CPLANE1: variants seen among roughly 807,000 people sequenced by gnomAD.
CPLANE1 encodes the protein ciliogenesis and planar polarity effector 1.
Under a neutral mutation model 362.5 loss-of-function variants are expected in CPLANE1, and 263 were observed. The ratio of observed to expected loss-of-function variants is 0.73; its 90% CI spans 0.66 to 0.80. The LOEUF (loss-of-function observed/expected upper bound fraction) is 0.80, where lower values mean the gene tolerates loss of function less well. CPLANE1 is among the 30% of genes least tolerant of loss of function. CPLANE1 has a pLI of 0.00. For synonymous variants in CPLANE1, 1,212 were observed against 1,302.6 expected (o/e 0.93, Z 1.50); for missense variants, 3,461 against 3,793.4 (o/e 0.91, Z 2.30).
the CPLANE1 span, among the ~76,000 whole-genome samples, chr5:37,092,187 A>G: frequency 6.6e-6 from 1 of 152,184 alleles, no homozygotes; most frequent in Non-Finnish European, 1.5e-5. Flanking sequence ...GTGCTTGGCT[A>G]GGAGGGATAG....
At chr5:37,185,149 C>T in intron 24 of CPLANE1, 70 bp from the exon 25 acceptor site, 1 of 1,412,652 alleles carries the variant, frequency 7.1e-7, no homozygotes, top group African/African-American at 1.4e-5. Flanking sequence ...GGAGACCCAA[C>T]TCTGGTCCCT....
chr5:37,108,842 AGCAATGTTTTGG>A (rs1758312694), intron 51 of CPLANE1, among the ~76,000 whole-genome samples: 1 of 152,238 alleles, frequency 6.6e-6, no homozygotes, highest in Non-Finnish European at 1.5e-5. Flanking sequence ...ACTTCTTAGA[AGCAATGTTTTGG>A]GCATCTTCAC....
intron 42 of CPLANE1, among the ~76,000 whole-genome samples, chr5:37,149,348 C>T (rs752133053): frequency 1.3e-5 from 2 of 152,156 alleles, no homozygotes; most frequent in Non-Finnish European, 2.9e-5. Context: ...TTCCCATATA[C>T]TTTAATCTCT....
chr5:37,228,468 A>G (rs1796946297), intron 9 of CPLANE1, among the ~76,000 whole-genome samples: 1 of 152,180 alleles, frequency 6.6e-6, no homozygotes, highest in Non-Finnish European at 1.5e-5. Flanking sequence ...AAATGGCAAC[A>G]ATAGAAAGTT....
At chr5:37,211,623 G>A (rs1792622307) in intron 16 of CPLANE1, 3 of 841,912 alleles carry the variant, frequency 3.6e-6, no homozygotes, top group Non-Finnish European at 6.3e-6. Context: ...AATATATCTG[G>A]AAGGTCTGGG....
intron 52 of CPLANE1, 128 bp from the exon 53 acceptor site, chr5:37,107,906 A>G: frequency 7.1e-7 from 1 of 1,403,312 alleles, no homozygotes; most frequent in Non-Finnish European, 9.4e-7. Flanking sequence ...CAAAAGGCTG[A>G]AGGAAATGTG....
intron 10 of CPLANE1, 51 bp from the exon 11 acceptor site, chr5:37,227,443 T>G: frequency 6.7e-7 from 1 of 1,499,478 alleles, no homozygotes; most frequent in South Asian, 1.3e-5. Flanking sequence ...TATCTGTAAT[T>G]CTATTATAAG....
At chr5:37,190,209 C>G (rs192342536) in intron 21 of CPLANE1, among the ~76,000 whole-genome samples, 94 of 151,968 alleles carry the variant, frequency 6.2e-4, no homozygotes, top group Non-Finnish European at 1.9e-4. Flanking sequence ...ACTAGACAAA[C>G]GATCGAGTTT....
Position 37,224,529 on chromosome 5 carries a change from G to T in CPLANE1, c.2500+3C>A. 1.3e-6 allele frequency: 2 copies of T among 1,533,962 alleles called. No individual in the cohort carries two copies. Among genetic ancestry groups the T allele is most frequent in the South Asian group, 2.4e-5 (2 of 83,476 alleles). ...AGTTAGAAAATATTCATAAGATACTGACCATTGATAGATTTAAGTTCTAAG... is the reference window on the plus strand; with the variant it reads ...AGTTAGAAAATATTCATAAGATACTTACCATTGATAGATTTAAGTTCTAAG... On this transcript the variant is annotated splice_donor_region_variant and intron_variant, in intron 13 of 52. Coordinates refer to ENST00000651892, the MANE Select transcript of CPLANE1 (RefSeq NM_001384732.1).
chr5:37,135,573 A>G (rs1767445056), intron 46 of CPLANE1, among the ~76,000 whole-genome samples: 1 of 152,090 alleles, frequency 6.6e-6, no homozygotes, highest in Non-Finnish European at 1.5e-5. Context: ...AGTGGCTCAC[A>G]CCTGTAATCC....
chr5:37,150,766 T>C (rs1773307020), intron 42 of CPLANE1, among the ~76,000 whole-genome samples: 1 of 152,242 alleles, frequency 6.6e-6, no homozygotes, highest in South Asian at 2.1e-4. Context: ...GGACCTGGTA[T>C]AGAGCTAGCA....
intron 47 of CPLANE1, among the ~76,000 whole-genome samples, chr5:37,124,123 C>A (rs1763486042): frequency 1.3e-5 from 2 of 152,094 alleles, no homozygotes; most frequent in African/African-American, 4.8e-5. Flanking sequence ...ACACTTTAAA[C>A]AATAGTTCAC....
At chr5:37,176,469 T>TA (rs905150464) in intron 30 of CPLANE1, among the ~76,000 whole-genome samples, 5 of 151,288 alleles carry the variant, frequency 3.3e-5, no homozygotes, top group African/African-American at 9.7e-5. Flanking sequence ...ATCCCATCTC[T>TA]AAAAAAAATA....
chr5:37,155,398 A>G (rs1248787957), intron 41 of CPLANE1, among the ~76,000 whole-genome samples: 7 of 152,204 alleles, frequency 4.6e-5, no homozygotes, highest in African/African-American at 1.7e-4. Context: ...TCTTTGAGAC[A>G]TGGTCTTGCT....
chr5:37,124,021 G>C (rs886320259), intron 47 of CPLANE1, among the ~76,000 whole-genome samples: 1 of 151,458 alleles, frequency 6.6e-6, no homozygotes, highest in South Asian at 2.1e-4. Flanking sequence ...TACCTCAGTA[G>C]CCCTGAAGGT....
At chr5:37,112,134 A>G (rs1759540660) in intron 51 of CPLANE1, among the ~76,000 whole-genome samples, 1 of 152,238 alleles carries the variant, frequency 6.6e-6, no homozygotes. Context: ...AGACATCGAC[A>G]TTCTTGTTTT....
In CPLANE1 at chr5:37,157,295, T is replaced by C. The variant is rs776743211; in HGVS notation, c.8119+18A>G. 7.6e-7 allele frequency: 1 copy of C among 1,320,274 alleles called. No individual in the cohort carries two copies. The highest frequency in any genetic ancestry group is 1.9e-5 in the Admixed American group (1 of 52,582). The allele number at this position is 1,320,274 out of a possible 1,614,324, so 81.8% of individuals were successfully genotyped here. A position where few individuals can be genotyped will look rare whatever the true frequency, so the allele number is the denominator to read the frequency against. On this transcript the variant is annotated intron_variant, in intron 41 of 52. Transcript: ENST00000651892. Reference sequence around the variant, plus strand: ...AGTAATTCAGGAGAGGGTCATGCTATACCTCTTGGCTGTTTACCTTTGTTC... The same window carrying C: ...AGTAATTCAGGAGAGGGTCATGCTACACCTCTTGGCTGTTTACCTTTGTTC...
At chr5:37,242,506 A>G (rs1307229740) in intron 6 of CPLANE1, among the ~76,000 whole-genome samples, 1 of 152,226 alleles carries the variant, frequency 6.6e-6, no homozygotes, top group Non-Finnish European at 1.5e-5. Context: ...CAGAATAGTT[A>G]CTTTTATAGT....
the CPLANE1 span, among the ~76,000 whole-genome samples, chr5:37,092,089 T>C: frequency 4.6e-5 from 7 of 152,232 alleles, no homozygotes; most frequent in Admixed American, 3.9e-4. Flanking sequence ...CTGTACCTGC[T>C]ACACTCTACT....
Sources: allele counts gnomAD v4.1 joint callset (sites outside exome capture counted in the v4.1 genomes callset), GRCh38; gene constraint gnomAD v4.1.1; transcripts MANE v1.5; gene names NCBI Gene and HGNC (gene_info 2026-07-23, HGNC 2026-07-21).